Variants in SEMA6D observed in about 807,000 individuals in gnomAD.
The protein encoded by SEMA6D is semaphorin-6D.
A neutral mutation model predicts 106.6 loss-of-function variants in SEMA6D; 35 were observed. The observed-to-expected ratio is 0.33, with a 90% CI of 0.25 to 0.44. SEMA6D has a LOEUF of 0.44. Among genes scored for constraint, SEMA6D ranks in the 20% least tolerant of loss-of-function variants. The probability of loss-of-function intolerance (pLI) is 1.00; values close to 1 mark genes in which losing one functional copy is unlikely to be tolerated. For missense variants in SEMA6D, 1,185 were observed against 1,345.9 expected (o/e 0.88, Z 1.87); for synonymous variants, 499 against 487.7 (o/e 1.02, Z -0.31).
chr15:47,764,317 A>G lies in SEMA6D; in HGVS notation c.1097+12A>G, dbSNP rs768170494. 1.2e-6 allele frequency: 2 copies of G among 1,609,826 alleles called. No individual in the cohort carries two copies. Among genetic ancestry groups the G allele is most frequent in the Non-Finnish European group, 1.7e-6 (2 of 1,178,698 alleles). On this transcript the variant is annotated intron_variant, in intron 11 of 18. Coordinates refer to ENST00000536845, the MANE Select transcript of SEMA6D (RefSeq NM_001358351.3). Reference sequence around the variant, plus strand: ...GTGCCAAAGCCAAGGTAAATAAAAAAGTAGAAAAGGGTTTTGTCTTGAACA... The same window carrying G: ...GTGCCAAAGCCAAGGTAAATAAAAAGGTAGAAAAGGGTTTTGTCTTGAACA...
intron 1 of SEMA6D, among the ~76,000 whole-genome samples, chr15:47,203,735 G>A (rs1443397579): frequency 6.6e-6 from 1 of 152,148 alleles, no homozygotes; most frequent in East Asian, 1.9e-4. Flanking sequence ...GGGAGGAAAA[G>A]GATCATCACC....
At position 47,441,094 on chromosome 15, in the gene SEMA6D, T is replaced by C. The variant is rs2041868323; in HGVS notation, c.-159+28622T>C. 2.6e-5 allele frequency among the ~76,000 whole-genome samples: 4 copies of C among 152,220 alleles called. No homozygotes were observed. In the South Asian group the frequency reaches 6.2e-4, roughly 24 times the overall value. ...GTGAGGTTAATCTTAAATCGTGTCC[T>C]TAAACACTCACTTTGCATACTATTT... On this transcript the variant is annotated intron_variant, in intron 2 of 19. Coordinates refer to the SEMA6D transcript ENST00000558014.
At chr15:47,400,853 G>T (rs2040375925) in intron 1 of SEMA6D, among the ~76,000 whole-genome samples, 2 of 152,204 alleles carry the variant, frequency 1.3e-5, no homozygotes, top group Non-Finnish European at 2.9e-5. Context: ...ACATCATGCT[G>T]TGGGGTGAAA....
At chr15:47,480,112 T>C (rs13379735) in intron 3 of SEMA6D, among the ~76,000 whole-genome samples, 19,395 of 151,560 alleles carry the variant, frequency 0.13, 3,741 homozygotes, top group African/African-American at 0.42. Flanking sequence ...CCCACCCTAG[T>C]TTCCCAAAGT....
At chr15:47,685,551 C>A (rs1158809365) in intron 4 of SEMA6D, among the ~76,000 whole-genome samples, 1 of 152,088 alleles carries the variant, frequency 6.6e-6, no homozygotes, top group East Asian at 1.9e-4. Context: ...CAAACTTTGC[C>A]CAGTGAGGAG....
chr15:47,610,942 G>T (rs1356812363), intron 4 of SEMA6D, among the ~76,000 whole-genome samples: 2 of 152,156 alleles, frequency 1.3e-5, no homozygotes, highest in East Asian at 1.9e-4. Flanking sequence ...CAGTTAAAAA[G>T]ATTTTAAAAC....
intron 1 of SEMA6D, among the ~76,000 whole-genome samples, chr15:47,202,224 T>C (rs1411523874): frequency 1.3e-5 from 2 of 151,926 alleles, no homozygotes; most frequent in Non-Finnish European, 2.9e-5. Flanking sequence ...CGGGAAGTTG[T>C]TACACTGCGT....
chr15:47,499,284 T>C (rs910412817), intron 3 of SEMA6D, among the ~76,000 whole-genome samples: 5 of 152,128 alleles, frequency 3.3e-5, no homozygotes, highest in Admixed American at 6.6e-5. Context: ...AAATAGTCTT[T>C]CTATCCTGGC....
intron 4 of SEMA6D, among the ~76,000 whole-genome samples, chr15:47,700,530 T>C (rs1398633415): frequency 6.6e-6 from 1 of 152,148 alleles, no homozygotes; most frequent in East Asian, 1.9e-4. Flanking sequence ...AGCAAGATCC[T>C]TTCTCTAGTG....
chr15:47,403,086 G>A lies in SEMA6D; in HGVS notation c.-238-9307G>A, dbSNP rs561434475. ...TGGGTAGAGGTTCAGTCAAGTTGGC[G>A]TACTATCTTGCAGTCCACCTGAGGA... On this transcript the variant is annotated intron_variant, in intron 1 of 19. Coordinates refer to the SEMA6D transcript ENST00000558014. Among the ~76,000 whole-genome samples the A allele has an allele frequency of 3.3e-5, 5 of 152,258 alleles. No homozygotes were observed. In the South Asian group the frequency reaches 6.2e-4, roughly 19 times the overall value.
intron 1 of SEMA6D, among the ~76,000 whole-genome samples, chr15:47,233,331 A>C (rs1032307404): frequency 8.5e-5 from 13 of 152,084 alleles, no homozygotes; most frequent in African/African-American, 2.9e-4. Context: ...TATTTTGATC[A>C]CTGTACTTTC....
intron 1 of SEMA6D, among the ~76,000 whole-genome samples, chr15:47,205,672 T>C (rs552533952): frequency 3.3e-4 from 51 of 152,318 alleles, no homozygotes; most frequent in African/African-American, 1.1e-3. Flanking sequence ...GCCACAGATA[T>C]ATTTATATGC....
chr15:47,241,636 A>G (rs2032914179), intron 1 of SEMA6D, among the ~76,000 whole-genome samples: 1 of 151,882 alleles, frequency 6.6e-6, no homozygotes, highest in South Asian at 2.1e-4. Flanking sequence ...AGATTGTCAA[A>G]CCAACAGGGA....
At chr15:47,582,327 G>A (rs913010073) in intron 3 of SEMA6D, among the ~76,000 whole-genome samples, 73 of 152,204 alleles carry the variant, frequency 4.8e-4, no homozygotes, top group African/African-American at 1.6e-3. Context: ...GCCACACCAT[G>A]AGTCCCACAA....
At chr15:47,288,554 G>C (rs1160971444) in intron 1 of SEMA6D, among the ~76,000 whole-genome samples, 1 of 152,144 alleles carries the variant, frequency 6.6e-6, no homozygotes, top group Non-Finnish European at 1.5e-5. Context: ...CCAAAGTCTG[G>C]TTATCCCTCC....
intron 1 of SEMA6D, among the ~76,000 whole-genome samples, chr15:47,255,515 C>T (rs918500069): frequency 4.0e-5 from 6 of 151,680 alleles, no homozygotes; most frequent in Admixed American, 6.6e-5. Context: ...TTCCTTGAGA[C>T]GTAACATTAG....
At chr15:47,279,575 T>A (rs943361937) in intron 1 of SEMA6D, among the ~76,000 whole-genome samples, 1 of 148,568 alleles carries the variant, frequency 6.7e-6, no homozygotes, top group Non-Finnish European at 1.5e-5. Context: ...TGAATAGGAG[T>A]GGTGAGAGAG....
chr15:47,294,565 A>G (rs888578985), intron 1 of SEMA6D, among the ~76,000 whole-genome samples: 4 of 152,192 alleles, frequency 2.6e-5, no homozygotes, highest in African/African-American at 9.7e-5. Context: ...TTAAAATGTT[A>G]CAAAAAGCGT....
chr15:47,367,692 GCACACACACACA>G lies in SEMA6D; in HGVS notation c.-238-44676_-238-44665del, dbSNP rs72057750. Among the ~76,000 whole-genome samples the G allele has an allele frequency of 7.0e-3, 513 of 73,486 alleles. 5 individuals carry two copies. Among genetic ancestry groups the G allele is most frequent in the African/African-American group, 0.017 (426 of 24,388 alleles). 48.2% of individuals were successfully genotyped at this position (73,486 alleles called of 152,430 possible). On this transcript the variant is annotated intron_variant, in intron 1 of 19. Coordinates refer to the SEMA6D transcript ENST00000558014. ...CGCACGCTCACACGCGCGCGCGCGC[GCACACACACACA>G]CACACACACACACACACACACACAG... is the stretch of plus-strand genomic sequence containing the variant.
Sources: allele counts gnomAD v4.1 joint callset (sites outside exome capture counted in the v4.1 genomes callset), GRCh38; gene constraint gnomAD v4.1.1; transcripts MANE v1.5; gene names NCBI Gene and HGNC (gene_info 2026-07-23, HGNC 2026-07-21).